SPEF2: variants seen among roughly 807,000 people sequenced by gnomAD.
The protein encoded by SPEF2 is sperm flagellar and cilia associated 2, also known as sperm flagella and cilia-associated protein 2.
In SPEF2, 187 loss-of-function variants were observed where a neutral mutation model predicts 224.6. The ratio of observed to expected loss-of-function variants is 0.83; its 90% confidence interval spans 0.74 to 0.94. The LOEUF (loss-of-function observed/expected upper bound fraction) is 0.94, where lower values mean the gene tolerates loss of function less well. SPEF2 is among the 40% of genes least tolerant of loss of function. The pLI, the probability that SPEF2 is intolerant of heterozygous loss-of-function variation, is 0.00. For missense variants in SPEF2, 2,170 were observed against 2,135.6 expected (o/e 1.02, Z -0.32); for synonymous variants, 715 against 707.3 (o/e 1.01, Z -0.17).
At chr5:35,701,372 C>G (rs1215877908) in intron 16 of SPEF2, among the ~76,000 whole-genome samples, 4 of 152,032 alleles carry the variant, frequency 2.6e-5, no homozygotes, top group Non-Finnish European at 5.9e-5. Context: ...TGTTCTAAGC[C>G]TTGGTGTCAC....
chr5:35,768,034 T>G (rs1752314603), intron 26 of SPEF2, among the ~76,000 whole-genome samples: 2 of 152,150 alleles, frequency 1.3e-5, no homozygotes, highest in South Asian at 2.1e-4. Context: ...TCTAGGTGGT[T>G]GTTGTTATTG....
chr5:35,642,785 A>G (rs1746782944), intron 3 of SPEF2, among the ~76,000 whole-genome samples: 1 of 152,226 alleles, frequency 6.6e-6, no homozygotes, highest in Non-Finnish European at 1.5e-5. Context: ...TGAAGCAGCA[A>G]TGACGTAATA....
intron 36 of SPEF2, among the ~76,000 whole-genome samples, chr5:35,813,746 T>C (rs1758676282): frequency 6.6e-6 from 1 of 152,010 alleles, no homozygotes; most frequent in African/African-American, 2.4e-5. Flanking sequence ...TCAACTAAAA[T>C]GATCACAGTC....
intron 34 of SPEF2, among the ~76,000 whole-genome samples, chr5:35,802,524 GAA>G (rs913906125): frequency 6.8e-6 from 1 of 148,142 alleles, no homozygotes; most frequent in Non-Finnish European, 1.5e-5. Context: ...AAATTCTATG[GAA>G]AAAAAAAAGA....
Position 35,700,577 on chromosome 5 carries a change from T to C in SPEF2, c.2223T>C (p.Leu741=). ...LNQAQLLEEA[L]TGCNRNLTEV... ...AAGCACAGCTTCTGGAAGAAGCTCTTACAGGCTGCAATAGAAACCTCACAG... is the reference window on the plus strand; with the variant it reads ...AAGCACAGCTTCTGGAAGAAGCTCTCACAGGCTGCAATAGAAACCTCACAG... The change falls in exon 16 of 37, where the codon CTT becomes CTC. Residue 741 remains leucine (L), a synonymous_variant. Coordinates refer to ENST00000356031, the MANE Select transcript of SPEF2 (RefSeq NM_024867.4). The C allele has an allele frequency of 6.2e-7, 1 of 1,613,852 alleles. No individual in the cohort carries two copies. Among genetic ancestry groups the C allele is most frequent in the Middle Eastern group, 1.6e-4 (1 of 6,062 alleles).
At chr5:35,768,302 G>A (rs1231428923) in intron 26 of SPEF2, among the ~76,000 whole-genome samples, 2 of 152,044 alleles carry the variant, frequency 1.3e-5, no homozygotes, top group Non-Finnish European at 2.9e-5. Context: ...GAAACCAGAC[G>A]TAGAAGCTCT....
intron 20 of SPEF2, among the ~76,000 whole-genome samples, chr5:35,717,515 C>G (rs1742794745): frequency 6.6e-6 from 1 of 152,082 alleles, no homozygotes; most frequent in Admixed American, 6.6e-5. Context: ...CTTAGTTCAG[C>G]TAAAGACGGG....
chr5:35,651,811 A>T (rs142047768), intron 6 of SPEF2, among the ~76,000 whole-genome samples: 22 of 152,256 alleles, frequency 1.4e-4, no homozygotes, highest in African/African-American at 5.3e-4. Context: ...CTCAAAGTCC[A>T]TCGTTTTTCT....
intron 9 of SPEF2, among the ~76,000 whole-genome samples, chr5:35,667,786 C>T (rs547600648): frequency 2.8e-4 from 43 of 152,076 alleles, no homozygotes; most frequent in African/African-American, 8.7e-4. Flanking sequence ...AGACTAATAT[C>T]TAGAATATAT....
intron 19 of SPEF2, among the ~76,000 whole-genome samples, chr5:35,711,946 G>C (rs1437322355): frequency 6.6e-6 from 1 of 151,998 alleles, no homozygotes; most frequent in Admixed American, 6.6e-5. Flanking sequence ...AAAATCATTT[G>C]GTAAATAATG....
chr5:35,761,978 A>G (rs1751351304), intron 25 of SPEF2, among the ~76,000 whole-genome samples: 1 of 152,328 alleles, frequency 6.6e-6, no homozygotes, highest in East Asian at 1.9e-4. Flanking sequence ...TGTCATATAT[A>G]AAGGGAAACA....
At chr5:35,657,434 G>A (rs1267152847) in intron 7 of SPEF2, among the ~76,000 whole-genome samples, 1 of 152,100 alleles carries the variant, frequency 6.6e-6, no homozygotes, top group African/African-American at 2.4e-5. Context: ...GGATTGGTAG[G>A]GAGGGGCTGA....
Position 35,670,070 on chromosome 5 carries a change from A to G in SPEF2, c.1367A>G (p.Tyr456Cys), listed in dbSNP as rs771467906. 1.9e-6 allele frequency: 3 copies of G among 1,603,796 alleles called. No homozygotes were observed. Among genetic ancestry groups the G allele is most frequent in the African/African-American group, 1.3e-5 (1 of 74,536 alleles). The change falls in exon 10 of 37, where the codon TAT becomes TGT. Residue 456 changes from tyrosine to cysteine, a missense_variant. Physicochemically the swap from Tyr to Cys is radical, Grantham distance 194 (BLOSUM62 -2). Coordinates refer to ENST00000356031, the MANE Select transcript of SPEF2 (RefSeq NM_024867.4). ...TTTTTGTGCGATAGTCTGATTCCGTATAAGTTGATGCATGATTGGAAGGAA... is the reference window on the plus strand; with the variant it reads ...TTTTTGTGCGATAGTCTGATTCCGTGTAAGTTGATGCATGATTGGAAGGAA... Reference protein sequence around the residue: ...YRMLTNNLIPYKLMHDWKELF... With the variant: ...YRMLTNNLIPCKLMHDWKELF...
intron 1 of SPEF2, among the ~76,000 whole-genome samples, chr5:35,620,292 C>T (rs532326332): frequency 1.3e-5 from 2 of 152,270 alleles, no homozygotes; most frequent in South Asian, 4.2e-4. Flanking sequence ...TGGGTGCAAC[C>T]TCTGGGGAAA....
At chr5:35,807,580 A>T in intron 36 of SPEF2, 1 of 1,453,450 alleles carries the variant, frequency 6.9e-7, no homozygotes, top group South Asian at 1.2e-5. Flanking sequence ...AAGAGAACTA[A>T]CCAAGACCAT....
At position 35,691,061 on chromosome 5, in the gene SPEF2, C is replaced by A. The variant is rs374610171; in HGVS notation, c.1549C>A (p.Pro517Thr). Reference sequence around the variant, plus strand: ...GAACATGGTTGGAGAGTGGGCCTTACCAGAAGAAATGGTTGACAATTTACC... The same window carrying A: ...GAACATGGTTGGAGAGTGGGCCTTAACAGAAGAAATGGTTGACAATTTACC... ...YKNMVGEWALPEEMVDNLPPS... is the reference protein window; with the variant it reads ...YKNMVGEWALTEEMVDNLPPS... Residue 517 changes from proline to threonine, a missense_variant, in exon 11 of 37, where the codon CCA becomes ACA. Transcript: ENST00000356031. 1 of 1,613,848 alleles carries A rather than the reference C, an allele frequency of 6.2e-7. No individual in the cohort carries two copies. Among genetic ancestry groups the A allele is most frequent in the South Asian group, 1.1e-5 (1 of 91,064 alleles).
chr5:35,708,649 TCCACCACCA>T (rs1740417492), intron 18 of SPEF2, among the ~76,000 whole-genome samples: 2 of 520 alleles, frequency 3.8e-3, no homozygotes, highest in African/African-American at 7.6e-3. Context: ...TACCAGCACC[TCCACCACCA>T]CTACCACCAG....
At chr5:35,797,834 T>C (rs1049319434) in intron 33 of SPEF2, among the ~76,000 whole-genome samples, 1 of 152,194 alleles carries the variant, frequency 6.6e-6, no homozygotes, top group Non-Finnish European at 1.5e-5. Context: ...CCAGAAGCCC[T>C]GGCTCTGCTC....
chr5:35,814,392 A>G, intron 36 of SPEF2, 72 bp from the exon 37 acceptor site: 1 of 730,058 alleles, frequency 1.4e-6, no homozygotes, highest in East Asian at 3.1e-5. Context: ...ATCATTTATT[A>G]GTATTTGTAT....
Sources: allele counts gnomAD v4.1 joint callset (sites outside exome capture counted in the v4.1 genomes callset), GRCh38; gene constraint gnomAD v4.1.1; transcripts MANE v1.5; gene names NCBI Gene and HGNC (gene_info 2026-07-23, HGNC 2026-07-21).